GSTA5: variants seen among roughly 807,000 people sequenced by gnomAD.
The protein encoded by GSTA5 is glutathione S-transferase A5.
GSTA5 carries 25 observed loss-of-function variants against 21.8 expected under a neutral mutation model. The observed-to-expected ratio is 1.14, with a 90% confidence interval of 0.83 to 1.60. GSTA5 has a LOEUF of 1.60. Ranked by LOEUF, GSTA5 falls within the 40% of genes most tolerant of loss-of-function variation. The pLI, the probability that GSTA5 is intolerant of heterozygous loss-of-function variation, is 0.00. For synonymous variants in GSTA5, 102 were observed against 89.5 expected (o/e 1.14, Z -0.78); for missense variants, 330 against 259.2 (o/e 1.27, Z -1.88).
Position 52,837,582 on chromosome 6 carries a change from C to A in GSTA5, c.115G>T (p.Glu39Ter). Residue 39 changes from glutamate to a stop codon, truncating the protein, a stop_gained, in exon 2 of 6, where the codon GAA becomes TAA. Transcript: ENST00000370989. LOFTEE classifies it high-confidence loss of function. ...CCATTTCTTAACTTGTCCAAATCTT[C>A]TGCAGATTCTAGAAATTTCTCTTCC... 1 of 1,609,026 alleles carries A rather than the reference C, an allele frequency of 6.2e-7. No individual in the cohort carries two copies. Among genetic ancestry groups the A allele is most frequent in the South Asian group, 1.1e-5 (1 of 90,892 alleles).
chr6:52,838,505 A>G (rs971108824), intron 1 of GSTA5, among the ~76,000 whole-genome samples: 2 of 152,270 alleles, frequency 1.3e-5, no homozygotes, highest in African/African-American at 4.8e-5. Context: ...ATCTACATCC[A>G]GTAACTTAAA....
chr6:52,835,316 T>G (rs1215471252), intron 3 of GSTA5, among the ~76,000 whole-genome samples: 1 of 152,204 alleles, frequency 6.6e-6, no homozygotes, highest in Admixed American at 6.5e-5. Flanking sequence ...ATGTCTTTAT[T>G]GTTTAACCAT....
At chr6:52,834,317 T>C (rs1764262998) in intron 3 of GSTA5, 35 bp from the exon 4 acceptor site, 1 of 1,585,224 alleles carries the variant, frequency 6.3e-7, no homozygotes. Flanking sequence ...ATCAAATGCC[T>C]TTTGCCTTAG....
intron 1 of GSTA5, among the ~76,000 whole-genome samples, chr6:52,838,859 T>G (rs1764327196): frequency 1.3e-5 from 2 of 152,240 alleles, no homozygotes; most frequent in Non-Finnish European, 2.9e-5. Flanking sequence ...AATATTTTCT[T>G]AAATGGAATT....
At chr6:52,832,524 AC>A (rs1247694029) in intron 5 of GSTA5, among the ~76,000 whole-genome samples, 1 of 152,184 alleles carries the variant, frequency 6.6e-6, no homozygotes, top group African/African-American at 2.4e-5. Flanking sequence ...ATGCGGGAAG[AC>A]AAGGGCACAT....
chr6:52,831,947 G>C, exon 6 of GSTA5: 4 of 1,613,476 alleles, frequency 2.5e-6, no homozygotes, highest in Non-Finnish European at 3.4e-6. Flanking sequence ...CCGTGGGCAG[G>C]TTGCTGATTC....
intron 2 of GSTA5, 62 bp downstream of exon 2, chr6:52,837,496 C>T: frequency 9.1e-7 from 1 of 1,093,000 alleles, no homozygotes; most frequent in Non-Finnish European, 1.4e-6. Context: ...CCTGGCTGCT[C>T]AACGTTCCTC....
chr6:52,835,698 T>C (rs1228721580), intron 3 of GSTA5, among the ~76,000 whole-genome samples: 1 of 152,172 alleles, frequency 6.6e-6, no homozygotes, highest in Non-Finnish European at 1.5e-5. Context: ...CAGCCTTCTA[T>C]CCATGTGTCA....
chr6:52,843,490 T>C (rs576839587), upstream of GSTA5, among the ~76,000 whole-genome samples: 1 of 152,370 alleles, frequency 6.6e-6, no homozygotes, highest in Admixed American at 6.5e-5. Context: ...TTTGCATTTC[T>C]CTAATGACCA....
At chr6:52,832,515 T>A (rs1365521791) in intron 5 of GSTA5, among the ~76,000 whole-genome samples, 1 of 151,950 alleles carries the variant, frequency 6.6e-6, no homozygotes, top group Non-Finnish European at 1.5e-5. Context: ...ACCAATTCAA[T>A]GCGGGAAGAC....
At chr6:52,841,928 A>G (rs1459455342), upstream of GSTA5, among the ~76,000 whole-genome samples, 4 of 152,244 alleles carry the variant, frequency 2.6e-5, no homozygotes, top group Admixed American at 6.5e-5. Flanking sequence ...AAACCCCAGT[A>G]CTTTTTAAAA....
At chr6:52,837,218 A>G (rs1764305433) in intron 2 of GSTA5, among the ~76,000 whole-genome samples, 1 of 152,150 alleles carries the variant, frequency 6.6e-6, no homozygotes, top group Non-Finnish European at 1.5e-5. Flanking sequence ...CATCTAGCGC[A>G]TGTTCTTGCG....
At chr6:52,835,578 T>C (rs1764280328) in intron 3 of GSTA5, among the ~76,000 whole-genome samples, 2 of 152,236 alleles carry the variant, frequency 1.3e-5, no homozygotes, top group Admixed American at 6.5e-5. Flanking sequence ...GTTAAAGTTT[T>C]TGTGGAGCTG....
At chr6:52,840,666 G>A in intron 1 of GSTA5, 61 bp downstream of exon 1, 1 of 1,431,696 alleles carries the variant, frequency 7.0e-7, no homozygotes, top group South Asian at 1.2e-5. Context: ...AGTTTCTGTG[G>A]GAAAAGTATG....
rs551779962 is a variant in GSTA5, at chr6:52,839,795, A to G, written c.87+932T>C. On this transcript the variant is annotated intron_variant, in intron 1 of 5. Coordinates refer to ENST00000370989, the Ensembl canonical transcript of GSTA5. The stretch of plus-strand genomic sequence containing the variant: ...TCAGCGGAGTCCCACAGACACCTCC[A>G]GGCATTTCCTACTCAAACACTGGGA... 6.6e-5 allele frequency among the ~76,000 whole-genome samples: 10 copies of G among 152,346 alleles called. No homozygotes were observed. The East Asian group carries it at 1.7e-3, about 26-fold the overall frequency.
chr6:52,832,629 A>G (rs1398846057), intron 5 of GSTA5, among the ~76,000 whole-genome samples: 3 of 152,184 alleles, frequency 2.0e-5, no homozygotes, highest in African/African-American at 4.8e-5. Context: ...CCTTTCCATG[A>G]TAAAAGGCAA....
upstream of GSTA5, among the ~76,000 whole-genome samples, chr6:52,842,586 G>A (rs1010501944): frequency 6.6e-6 from 1 of 151,758 alleles, no homozygotes; most frequent in Non-Finnish European, 1.5e-5. Context: ...TGTATTTTTT[G>A]TAGAGACAGG....
intron 4 of GSTA5, among the ~76,000 whole-genome samples, chr6:52,833,285 CCTCCA>C (rs1236508033): frequency 3.9e-5 from 6 of 152,256 alleles, no homozygotes; most frequent in Admixed American, 6.5e-5. Context: ...TTAGCACCTG[CCTCCA>C]TGTGTTCTGT....
intron 1 of GSTA5, among the ~76,000 whole-genome samples, chr6:52,838,407 C>A (rs1561927257): frequency 6.6e-6 from 1 of 152,212 alleles, no homozygotes; most frequent in East Asian, 1.9e-4. Flanking sequence ...CAAGGTCATG[C>A]AAAGCACTTA....
Sources: gnomAD v4.1 joint callset for allele counts (sites outside exome capture counted in the v4.1 genomes callset) on GRCh38, gnomAD v4.1.1 for gene constraint, MANE v1.5 for transcripts, NCBI Gene and HGNC (gene_info 2026-07-23, HGNC 2026-07-21) for gene names.